KALRN: variants seen among roughly 807,000 people sequenced by gnomAD.
KALRN encodes the protein kalirin RhoGEF kinase, also known as kalirin.
Under a neutral mutation model 353.7 loss-of-function variants are expected in KALRN, and 70 were observed. The observed-to-expected ratio is 0.20, with a 90% CI of 0.16 to 0.24. KALRN has a LOEUF of 0.24. Ranked by LOEUF, KALRN falls within the 10% of genes least tolerant of loss-of-function variation. The pLI, the probability that KALRN is intolerant of heterozygous loss-of-function variation, is 1.00. For synonymous variants in KALRN, 1,391 were observed against 1,434.8 expected (o/e 0.97, Z 0.69); for missense variants, 2,791 against 3,756.7 (o/e 0.74, Z 6.72).
At chr3:124,091,945 C>G (rs1224104903) in intron 1 of KALRN, among the ~76,000 whole-genome samples, 1 of 152,166 alleles carries the variant, frequency 6.6e-6, no homozygotes, top group Non-Finnish European at 1.5e-5. Context: ...GGCTGCATTT[C>G]AAGTAAGACT....
chr3:124,673,127 G>A (rs1295763558), intron 48 of KALRN, among the ~76,000 whole-genome samples: 2 of 152,110 alleles, frequency 1.3e-5, no homozygotes, highest in Non-Finnish European at 2.9e-5. Context: ...GCTCACGCCT[G>A]TAATCCCAGC....
At chr3:124,229,218 AC>A (rs2078897198) in intron 2 of KALRN, among the ~76,000 whole-genome samples, 3 of 152,178 alleles carry the variant, frequency 2.0e-5, no homozygotes, top group African/African-American at 7.2e-5. Context: ...TTACTCTCTG[AC>A]CCTTTAAGAA....
chr3:124,564,729 C>T (rs1280720297), intron 34 of KALRN, among the ~76,000 whole-genome samples: 1 of 152,170 alleles, frequency 6.6e-6, no homozygotes, highest in African/African-American at 2.4e-5. Context: ...CGCAAATGAT[C>T]AGAACCCCCA....
intron 1 of KALRN, among the ~76,000 whole-genome samples, chr3:124,197,797 C>T (rs6778978): frequency 0.95 from 145,161 of 152,232 alleles, 69,595 homozygotes; most frequent in East Asian, 1. Flanking sequence ...CAATGCAGTT[C>T]ATCTAGAAAT....
chr3:124,366,833 T>G (rs866025561), intron 10 of KALRN, among the ~76,000 whole-genome samples: 1,266 of 86,134 alleles, frequency 0.015, 6 homozygotes, highest in Admixed American at 0.041. Flanking sequence ...TGGGCGGGGG[T>G]CTGACCCCCC....
intron 5 of KALRN, among the ~76,000 whole-genome samples, chr3:124,277,996 A>ATATGTG (rs146230417): frequency 9.6e-5 from 14 of 146,116 alleles, no homozygotes; most frequent in Non-Finnish European, 2.1e-4. Context: ...GAGATGAACT[A>ATATGTG]TGTGTGTGTG....
chr3:124,236,836 C>G (rs2079834954), intron 3 of KALRN, among the ~76,000 whole-genome samples: 1 of 152,192 alleles, frequency 6.6e-6, no homozygotes, highest in Non-Finnish European at 1.5e-5. Context: ...GATGCAGGCT[C>G]TCTGCTTCTC....
intron 43 of KALRN, among the ~76,000 whole-genome samples, chr3:124,659,983 G>C (rs2084622530): frequency 6.6e-6 from 1 of 151,410 alleles, no homozygotes; most frequent in African/African-American, 2.4e-5. Flanking sequence ...CCAGGCTGCA[G>C]TGCAGTGACA....
chr3:124,143,197 C>T (rs2066850618), intron 1 of KALRN, among the ~76,000 whole-genome samples: 1 of 152,122 alleles, frequency 6.6e-6, no homozygotes, highest in Non-Finnish European at 1.5e-5. Context: ...TGGCTGGGTG[C>T]CTCCCCTCCT....
At chr3:124,173,984 G>C (rs1343398008) in intron 1 of KALRN, among the ~76,000 whole-genome samples, 1 of 152,180 alleles carries the variant, frequency 6.6e-6, no homozygotes, top group Non-Finnish European at 1.5e-5. Flanking sequence ...CATCAGGATA[G>C]ACTGGGATGA....
chr3:124,246,175 G>T (rs2081098915), intron 3 of KALRN, among the ~76,000 whole-genome samples: 1 of 152,220 alleles, frequency 6.6e-6, no homozygotes, highest in African/African-American at 2.4e-5. Context: ...TTTCCAATGA[G>T]ATTTCCTATT....
intron 37 of KALRN, among the ~76,000 whole-genome samples, chr3:124,645,407 A>G (rs1022094138): frequency 5.9e-5 from 9 of 152,184 alleles, no homozygotes; most frequent in Admixed American, 3.9e-4. Flanking sequence ...GCCCATGCCT[A>G]TGTCCTGAAT....
chr3:124,401,362 G>A (rs533843842), intron 13 of KALRN, among the ~76,000 whole-genome samples: 4 of 151,952 alleles, frequency 2.6e-5, no homozygotes, highest in Admixed American at 2.0e-4. Flanking sequence ...AACAAAAACC[G>A]AGTGTGGTGG....
intron 34 of KALRN, among the ~76,000 whole-genome samples, chr3:124,568,465 AT>A (rs1327901970): frequency 2.6e-5 from 4 of 152,212 alleles, no homozygotes; most frequent in Non-Finnish European, 4.4e-5. Flanking sequence ...AAAAGTAAAA[AT>A]AAGATTATCA....
intron 1 of KALRN, among the ~76,000 whole-genome samples, chr3:124,159,788 C>T (rs1266716529): frequency 2.0e-5 from 3 of 151,992 alleles, no homozygotes; most frequent in African/African-American, 4.8e-5. Context: ...AAATAATGAA[C>T]TCTCTCTGGA....
chr3:124,278,458 G>GGTGTGTGTGT (rs55855993), intron 5 of KALRN, among the ~76,000 whole-genome samples: 22,848 of 145,294 alleles, frequency 0.16, 1,767 homozygotes, highest in South Asian at 0.25. Flanking sequence ...GGACACTTCA[G>GGTGTGTGTGT]GTGTGTGTGT....
intron 6 of KALRN, among the ~76,000 whole-genome samples, chr3:124,318,085 T>C (rs2078982193): frequency 6.6e-6 from 1 of 152,218 alleles, no homozygotes; most frequent in South Asian, 2.1e-4. Context: ...AGGCGCTTGT[T>C]TTCATGGCTG....
At chr3:124,412,524 T>C (rs530803335) in intron 13 of KALRN, among the ~76,000 whole-genome samples, 1 of 152,350 alleles carries the variant, frequency 6.6e-6, no homozygotes, top group African/African-American at 2.4e-5. Flanking sequence ...TGGAATTATC[T>C]AGTTCAGTAC....
At chr3:124,139,570 G>T (rs891442837) in intron 1 of KALRN, among the ~76,000 whole-genome samples, 5 of 152,166 alleles carry the variant, frequency 3.3e-5, no homozygotes, top group Admixed American at 1.3e-4. Flanking sequence ...AGGAGGGTTT[G>T]TACAGAGAGG....
Sources: gnomAD v4.1 joint callset for allele counts (sites outside exome capture counted in the v4.1 genomes callset) on GRCh38, gnomAD v4.1.1 for gene constraint, MANE v1.5 for transcripts, NCBI Gene and HGNC (gene_info 2026-07-23, HGNC 2026-07-21) for gene names.